MCTP1: variants seen among roughly 807,000 people sequenced by gnomAD.
The protein encoded by MCTP1 is multiple C2 and transmembrane domain-containing protein 1.
A neutral mutation model predicts 120.6 loss-of-function variants in MCTP1; 69 were observed. The ratio of observed to expected loss-of-function variants is 0.57; its 90% CI spans 0.47 to 0.70. MCTP1 has a LOEUF of 0.70. Ranked by LOEUF, MCTP1 falls within the 30% of genes least tolerant of loss-of-function variation. The pLI, the probability that MCTP1 is intolerant of heterozygous loss-of-function variation, is 0.00. For missense variants in MCTP1, 1,203 were observed against 1,248.8 expected (o/e 0.96, Z 0.55); for synonymous variants, 529 against 493.1 (o/e 1.07, Z -0.96).
chr5:94,987,213 T>A (rs1830579223), intron 2 of MCTP1, among the ~76,000 whole-genome samples: 1 of 152,194 alleles, frequency 6.6e-6, no homozygotes, highest in Admixed American at 6.5e-5. Flanking sequence ...ACTTTGCATG[T>A]CTTAACTCAG....
intron 1 of MCTP1, among the ~76,000 whole-genome samples, chr5:95,067,855 T>C (rs2152188000): frequency 6.6e-6 from 1 of 152,272 alleles, no homozygotes; most frequent in South Asian, 2.1e-4. Context: ...ACATTATTAT[T>C]AATGTCACTA....
chr5:95,051,857 G>T (rs765561733), intron 1 of MCTP1, among the ~76,000 whole-genome samples: 11 of 151,958 alleles, frequency 7.2e-5, no homozygotes, highest in Non-Finnish European at 1.3e-4. Flanking sequence ...ACACAAAGAA[G>T]GCAACAACAG....
chr5:94,801,955 C>A (rs1781326608), intron 17 of MCTP1, among the ~76,000 whole-genome samples: 1 of 152,184 alleles, frequency 6.6e-6, no homozygotes. Flanking sequence ...CAATAACTTT[C>A]TTAAAATATA....
chr5:94,936,305 A>G (rs1026584475), intron 5 of MCTP1, among the ~76,000 whole-genome samples: 2 of 152,016 alleles, frequency 1.3e-5, no homozygotes, highest in Non-Finnish European at 2.9e-5. Context: ...TGTATTATAT[A>G]TATATATTTC....
chr5:94,710,699 C>G (rs1272031620), intron 21 of MCTP1, 119 bp downstream of exon 21: 3 of 626,212 alleles, frequency 4.8e-6, no homozygotes, highest in Non-Finnish European at 8.3e-6. Flanking sequence ...CTCTTTTCAT[C>G]ATGGAGTAGC....
chr5:94,777,884 G>A lies in MCTP1; in HGVS notation c.2610+1226C>T, dbSNP rs373153789. 2.6e-4 allele frequency among the ~76,000 whole-genome samples: 40 copies of A among 151,504 alleles called. 1 individual carries two copies. The highest frequency in any genetic ancestry group is 9.0e-4 in the African/African-American group (37 of 41,204). Reference sequence around the variant, plus strand: ...AAAAATTTCACATAAAAGCTCTGTCGATTTAAAAATGTTTGAAATAGCGTT... The same window carrying A: ...AAAAATTTCACATAAAAGCTCTGTCAATTTAAAAATGTTTGAAATAGCGTT... On this transcript the variant is annotated intron_variant, in intron 19 of 22. Transcript: ENST00000515393.
intron 2 of MCTP1, among the ~76,000 whole-genome samples, chr5:94,996,224 T>C (rs1325608012): frequency 6.6e-6 from 1 of 152,198 alleles, no homozygotes; most frequent in Admixed American, 6.6e-5. Flanking sequence ...ATACATGTCT[T>C]ATAGAACATG....
intron 1 of MCTP1, among the ~76,000 whole-genome samples, chr5:95,057,082 ATC>A (rs1227215650): frequency 6.6e-6 from 1 of 152,208 alleles, no homozygotes; most frequent in Non-Finnish European, 1.5e-5. Context: ...CTTTAATTTT[ATC>A]TATATTCTAT....
At chr5:95,201,316 G>A (rs1232377071) in intron 1 of MCTP1, among the ~76,000 whole-genome samples, 3 of 152,042 alleles carry the variant, frequency 2.0e-5, no homozygotes, top group Non-Finnish European at 4.4e-5. Flanking sequence ...ATTTTAACAA[G>A]AGCCTTCATT....
rs541438977 is a variant in MCTP1, at chr5:95,284,072, G to C, written c.504C>G (p.Ser168=). The part of the protein sequence containing the change: ...SSSSASSSLS[S]SPQPPPRGDR... ...CCCCCCTCGGGGGAGGCTGGGGCGAGGAGGACAGGGAGGATGAGGCGGAGG... is the reference window on the plus strand; with the variant it reads ...CCCCCCTCGGGGGAGGCTGGGGCGACGAGGACAGGGAGGATGAGGCGGAGG... The change falls in exon 1 of 23, where the codon TCC becomes TCG. Residue 168 remains serine (S), a synonymous_variant. Coordinates refer to ENST00000515393, the MANE Select transcript of MCTP1 (RefSeq NM_024717.7). This position sits in a 1 kb window ranked among gnomAD's most constrained non-coding sequence, Gnocchi z 5.2. 12 of 1,542,982 alleles carry C rather than the reference G, an allele frequency of 7.8e-6. No homozygotes were observed. The highest frequency in any genetic ancestry group is 2.8e-5 in the African/African-American group (2 of 71,700).
chr5:95,282,517 T>C (rs1248150861), intron 1 of MCTP1, among the ~76,000 whole-genome samples: 1 of 152,210 alleles, frequency 6.6e-6, no homozygotes, highest in African/African-American at 2.4e-5. Context: ...AGTATTCATC[T>C]ATACTGAATT....
At chr5:94,778,841 C>T (rs926936826) in intron 19 of MCTP1, among the ~76,000 whole-genome samples, 2 of 152,150 alleles carry the variant, frequency 1.3e-5, no homozygotes, top group African/African-American at 2.4e-5. Flanking sequence ...GTTATCTTCA[C>T]GAGAGCTATC....
At chr5:94,725,955 G>A (rs985509283) in intron 19 of MCTP1, among the ~76,000 whole-genome samples, 1 of 152,176 alleles carries the variant, frequency 6.6e-6, no homozygotes, top group Non-Finnish European at 1.5e-5. Context: ...ACTTTTAAAA[G>A]TTAAATTGTA....
At chr5:95,176,777 T>C (rs1016822927) in intron 1 of MCTP1, among the ~76,000 whole-genome samples, 1 of 152,112 alleles carries the variant, frequency 6.6e-6, no homozygotes, top group African/African-American at 2.4e-5. Flanking sequence ...GAGAATCACC[T>C]GAGCCTGGGA....
intron 1 of MCTP1, among the ~76,000 whole-genome samples, chr5:95,099,562 A>G (rs1173667911): frequency 6.6e-6 from 1 of 150,950 alleles, no homozygotes; most frequent in Non-Finnish European, 1.5e-5. Context: ...ACAAATCAAA[A>G]CCACAATGAG....
intron 1 of MCTP1, among the ~76,000 whole-genome samples, chr5:95,104,083 G>T (rs1284701064): frequency 6.6e-6 from 1 of 152,004 alleles, no homozygotes; most frequent in African/African-American, 2.4e-5. Context: ...AATGCCTTAC[G>T]TATCAATTAT....
At chr5:95,268,713 C>T (rs1290224648) in intron 1 of MCTP1, among the ~76,000 whole-genome samples, 1 of 152,192 alleles carries the variant, frequency 6.6e-6, no homozygotes, top group Non-Finnish European at 1.5e-5. Flanking sequence ...GGGAGGTCGG[C>T]AACGTTAATC....
chr5:95,042,008 A>T (rs1842439936), intron 1 of MCTP1, among the ~76,000 whole-genome samples: 1 of 152,186 alleles, frequency 6.6e-6, no homozygotes, highest in African/African-American at 2.4e-5. Context: ...TTCTACAGAA[A>T]TTCAAGTTCA....
chr5:94,805,482 G>A (rs757344409), intron 17 of MCTP1, among the ~76,000 whole-genome samples: 46 of 152,120 alleles, frequency 3.0e-4, no homozygotes, highest in Non-Finnish European at 5.7e-4. Context: ...AAAAAATGTA[G>A]CTGGGCCCGG....
Sources: gnomAD v4.1 joint callset for allele counts (sites outside exome capture counted in the v4.1 genomes callset) on GRCh38, gnomAD v4.1.1 for gene constraint, Gnocchi (gnomAD v3.1) non-coding constraint, MANE v1.5 for transcripts, NCBI Gene and HGNC (gene_info 2026-07-23, HGNC 2026-07-21) for gene names.